Variants in AASS observed in about 807,000 individuals in gnomAD.
AASS encodes the protein alpha-aminoadipic semialdehyde synthase, mitochondrial.
Under a neutral mutation model 105.4 loss-of-function variants are expected in AASS, and 86 were observed. That is an observed-to-expected ratio of 0.82 (90% CI 0.69 to 0.98). AASS has a LOEUF of 0.98. AASS is among the 50% of genes least tolerant of loss of function. AASS has a pLI of 0.00. For missense variants in AASS, 1,048 were observed against 1,143.2 expected (o/e 0.92, Z 1.20); for synonymous variants, 381 against 394.8 (o/e 0.96, Z 0.41).
intron 8 of AASS, 112 bp downstream of exon 8, chr7:122,116,521 T>G (rs1291411981): frequency 7.2e-7 from 1 of 1,380,018 alleles, no homozygotes; most frequent in African/African-American, 1.4e-5. Context: ...CCCAAAGGAC[T>G]CACAACAGGA....
At chr7:122,118,920 C>T (rs1427163147) in intron 4 of AASS, among the ~76,000 whole-genome samples, 2 of 152,208 alleles carry the variant, frequency 1.3e-5, no homozygotes, top group African/African-American at 2.4e-5. Flanking sequence ...GATCCCATCC[C>T]TTCCTGTCAC....
chr7:122,099,539 C>A (rs1794330198), intron 13 of AASS, among the ~76,000 whole-genome samples: 1 of 151,850 alleles, frequency 6.6e-6, no homozygotes, highest in Non-Finnish European at 1.5e-5. Flanking sequence ...AAACTATGAC[C>A]TCCAAGGCAG....
At chr7:122,126,328 C>T (rs370796097) in intron 4 of AASS, 47 bp downstream of exon 4, 1 of 1,547,820 alleles carries the variant, frequency 6.5e-7, no homozygotes. Context: ...ACAGTTATTC[C>T]CCAAGCCAAT....
chr7:122,126,917 A>G (rs1206379096), intron 3 of AASS, among the ~76,000 whole-genome samples: 3 of 152,124 alleles, frequency 2.0e-5, no homozygotes, highest in East Asian at 3.9e-4. Context: ...TCTTTCTTGC[A>G]TCATCCATCT....
chr7:122,106,040 T>C (rs1474127122), intron 11 of AASS, among the ~76,000 whole-genome samples: 1 of 152,110 alleles, frequency 6.6e-6, no homozygotes, highest in Admixed American at 6.6e-5. Flanking sequence ...TGTGTTGAAA[T>C]GCTAGTGATT....
chr7:122,088,063 CTTGT>C (rs1429895014), intron 18 of AASS, among the ~76,000 whole-genome samples: 2 of 152,062 alleles, frequency 1.3e-5, no homozygotes, highest in Non-Finnish European at 2.9e-5. Flanking sequence ...TAAGTTCTTT[CTTGT>C]TTATTATTTT....
At chr7:122,138,460 T>G (rs73224336) in intron 1 of AASS, among the ~76,000 whole-genome samples, 1 of 152,056 alleles carries the variant, frequency 6.6e-6, no homozygotes, top group African/African-American at 2.4e-5. Flanking sequence ...ATAAAAGTTA[T>G]GTAAATGTGG....
In AASS at chr7:122,129,435, T is replaced by C. The variant is rs761554421; in HGVS notation, c.313A>G (p.Thr105Ala). Reference protein sequence around the residue: ...PPEEKLMSRKTYAFFSHTIKA... With the variant: ...PPEEKLMSRKAYAFFSHTIKA... ...ATTGTGTGGGAGAAAAATGCATAAG[T>C]CTTCCTGGACATTAATTTTTCCTCT... Residue 105 changes from threonine (T) to alanine (A), a missense_variant, in exon 3 of 24, where the codon ACT (threonine) becomes GCT (alanine). Physicochemically the swap from Thr to Ala is moderately conservative, Grantham distance 58. Coordinates refer to ENST00000417368, the MANE Select transcript of AASS (RefSeq NM_005763.4). 3.7e-6 allele frequency: 6 copies of C among 1,613,540 alleles called. No homozygotes were observed. The highest frequency in any genetic ancestry group is 5.1e-6 in the Non-Finnish European group (6 of 1,179,658).
At position 122,079,681 on chromosome 7, in the gene AASS, G is replaced by A. The variant is rs139513373; in HGVS notation, c.2312C>T (p.Ser771Leu). Residue 771 changes from serine to leucine, a missense_variant, in exon 21 of 24, where the codon TCA (serine) becomes TTA (leucine). Transcript: ENST00000417368. ...KQLLCDLVGI[S>L]PSSEHDVLKE... ...CAACACATCATGCTCAGAGGAGGGTGAAATCCCAACTAGGTCACAGAGGAG... is the reference window on the plus strand; with the variant it reads ...CAACACATCATGCTCAGAGGAGGGTAAAATCCCAACTAGGTCACAGAGGAG... 5.2e-4 allele frequency: 833 copies of A among 1,613,782 alleles called. No homozygotes were observed. The highest frequency in any genetic ancestry group is 5.8e-4 in the Non-Finnish European group (681 of 1,179,816).
chr7:122,092,731 A>AC, intron 17 of AASS, 112 bp downstream of exon 17: 1 of 997,734 alleles, frequency 1.0e-6, no homozygotes, highest in Non-Finnish European at 1.6e-6. Context: ...TCTCAAAAAA[A>AC]AAAAATCTTT....
At chr7:122,136,348 C>G (rs1439678967) in intron 1 of AASS, among the ~76,000 whole-genome samples, 1 of 152,020 alleles carries the variant, frequency 6.6e-6, no homozygotes, top group African/African-American at 2.4e-5. Context: ...GCTAAGAAGG[C>G]TTTAGGAAGA....
At chr7:122,143,249 G>A (rs1365173911) in intron 1 of AASS, among the ~76,000 whole-genome samples, 1 of 152,052 alleles carries the variant, frequency 6.6e-6, no homozygotes, top group Non-Finnish European at 1.5e-5. Context: ...CTTCCCCACT[G>A]ATAACCCACA....
chr7:122,140,075 T>C (rs1796315755), intron 1 of AASS, among the ~76,000 whole-genome samples: 1 of 152,142 alleles, frequency 6.6e-6, no homozygotes, highest in Non-Finnish European at 1.5e-5. Context: ...ATCAAATAGC[T>C]AAAATTCTTT....
chr7:122,078,238 T>C (rs772515395), intron 22 of AASS, among the ~76,000 whole-genome samples: 15 of 152,078 alleles, frequency 9.9e-5, no homozygotes, highest in Non-Finnish European at 1.9e-4. Context: ...CCATATCCTG[T>C]TTACAGACAC....
intron 18 of AASS, among the ~76,000 whole-genome samples, chr7:122,087,495 G>A (rs1216417968): frequency 1.3e-5 from 2 of 152,040 alleles, no homozygotes; most frequent in Non-Finnish European, 2.9e-5. Context: ...TTCCAAAGGG[G>A]GGATGATTTC....
intron 18 of AASS, among the ~76,000 whole-genome samples, chr7:122,086,937 C>T (rs1465846728): frequency 6.6e-6 from 1 of 152,152 alleles, no homozygotes; most frequent in Non-Finnish European, 1.5e-5. Flanking sequence ...ATTTCTTTGT[C>T]TCTAATTTTA....
chr7:122,104,909 T>G (rs1447944576), intron 11 of AASS, among the ~76,000 whole-genome samples: 1 of 151,732 alleles, frequency 6.6e-6, no homozygotes, highest in Non-Finnish European at 1.5e-5. Context: ...AAACTGCACA[T>G]GTACCCCCGA....
intron 1 of AASS, among the ~76,000 whole-genome samples, chr7:122,141,947 A>T (rs745619213): frequency 1.3e-5 from 2 of 152,222 alleles, no homozygotes; most frequent in Admixed American, 6.5e-5. Flanking sequence ...AGGCACTCTG[A>T]CTTATGAATT....
rs372679186 is a variant in AASS, at chr7:122,081,540, G to A, written c.2240C>T (p.Ala747Val). 2.5e-5 allele frequency: 40 copies of A among 1,613,792 alleles called. 1 individual carries two copies. Among genetic ancestry groups the A allele is most frequent in the South Asian group, 4.4e-5 (4 of 91,082 alleles). The change falls in exon 20 of 24, where the codon GCG (alanine) becomes GTG (valine). Residue 747 changes from alanine (A) to valine (V), a missense_variant. Transcript: ENST00000417368. ...GGCCTCAGGTCTAAAGGCAGGAAGC[G>A]CTTCTCTGTTTATAAGACCTAATTT... Reference protein sequence around the residue: ...FVKLGLINREALPAFRPEANP... With the variant: ...FVKLGLINREVLPAFRPEANP...
Sources: gnomAD v4.1 joint callset for allele counts (sites outside exome capture counted in the v4.1 genomes callset) on GRCh38, gnomAD v4.1.1 for gene constraint, MANE v1.5 for transcripts, NCBI Gene and HGNC (gene_info 2026-07-23, HGNC 2026-07-21) for gene names.